Variants in SPRY4 observed in about 807,000 individuals in gnomAD.
SPRY4 encodes sprouty RTK signaling antagonist 4, also known as protein sprouty homolog 4.
Under a neutral mutation model 17.0 loss-of-function variants are expected in SPRY4, and 7 were observed. That is an observed-to-expected ratio of 0.41 (90% confidence interval 0.23 to 0.77). SPRY4 has a LOEUF of 0.77. Among genes scored for constraint, SPRY4 ranks in the 30% least tolerant of loss-of-function variants. SPRY4 has a pLI of 0.32. For synonymous variants in SPRY4, 183 were observed against 174.1 expected (o/e 1.05, Z -0.40); for missense variants, 435 against 419.9 (o/e 1.04, Z -0.31).
chr5:142,322,488 A>ATATG (rs1554100335), intron 1 of SPRY4, among the ~76,000 whole-genome samples: 6 of 112,762 alleles, frequency 5.3e-5, no homozygotes, highest in East Asian at 3.2e-4. Context: ...AAAAAAATAT[A>ATATG]TATATATATA....
At position 142,314,924 on chromosome 5, in the gene SPRY4, G is replaced by A; in HGVS notation, c.185C>T (p.Thr62Ile). The change falls in exon 2 of 2, where the codon ACC becomes ATC. Residue 62 changes from threonine (T) to isoleucine (I), a missense_variant. Thr to Ile is a moderately conservative substitution (Grantham distance 89). Transcript: ENST00000434127. The surrounding 1 kb of genome is among the most constrained non-coding windows in gnomAD (Gnocchi z 4.8). ...CCCGCCCCGGGTCCGCTTTGGGCCG[G>A]TGGTCAGGGCCAGGCTAGGGTTGTC... ...YIDNPSLALT[T>I]GPKRTRGGAP... 6.2e-7 allele frequency: 1 copy of A among 1,612,568 alleles called. No homozygotes were observed. The highest frequency in any genetic ancestry group is 1.1e-5 in the South Asian group (1 of 91,066).
chr5:142,317,435 A>G, intron 1 of SPRY4: 1 of 985,368 alleles, frequency 1.0e-6, no homozygotes, highest in Non-Finnish European at 1.2e-6. Flanking sequence ...CCGGACAATG[A>G]TAACATGAGT....
chr5:142,322,642 C>A (rs1189466120), intron 1 of SPRY4, among the ~76,000 whole-genome samples: 1 of 151,940 alleles, frequency 6.6e-6, no homozygotes, highest in African/African-American at 2.4e-5. Context: ...TGGAAAAGGT[C>A]ATGGAGCTGG....
chr5:142,312,368 A>G lies in SPRY4; in HGVS notation c.*1841T>C, dbSNP rs1758953384. 1 of 152,652 alleles carries G rather than the reference A, an allele frequency of 6.6e-6. No homozygotes were observed. Among genetic ancestry groups the G allele is most frequent in the Non-Finnish European group, 1.5e-5 (1 of 68,038 alleles). 9.5% of individuals were successfully genotyped at this position (152,652 alleles called of 1,614,324 possible). A position where few individuals can be genotyped will look rare whatever the true frequency, so the allele number is the denominator to read the frequency against. On this transcript the variant is annotated 3_prime_UTR_variant, in exon 2 of 2. Coordinates refer to ENST00000434127, the MANE Select transcript of SPRY4 (RefSeq NM_001127496.3). ...TTACAAGCTAGCAAATGTTACATAA[A>G]TAAAGCCGAAAATAATATGACCCTC...
chr5:142,314,888 A>C lies in SPRY4; in HGVS notation c.221T>G (p.Leu74Arg), dbSNP rs1759089006. The change falls in exon 2 of 2, where the codon CTG (leucine) becomes CGG (arginine). Residue 74 changes from leucine (L) to arginine (R), a missense_variant. Coordinates refer to ENST00000434127, the MANE Select transcript of SPRY4 (RefSeq NM_001127496.3). This position sits in a 1 kb window ranked among gnomAD's most constrained non-coding sequence, Gnocchi z 4.8. ...PKRTRGGAPE[L>R]APTPARCDQD... ...GTCACAGCGGGCGGGCGTCGGGGCC[A>C]GCTCTGGGGCCCCGCCCCGGGTCCG... 2 of 1,602,894 alleles carry C rather than the reference A, an allele frequency of 1.2e-6. No individual in the cohort carries two copies. The highest frequency in any genetic ancestry group is 1.7e-6 in the Non-Finnish European group (2 of 1,172,540).
intron 1 of SPRY4, chr5:142,317,487 G>C (rs1466495252): frequency 1.0e-6 from 1 of 985,280 alleles, no homozygotes; most frequent in Non-Finnish European, 1.2e-6. Flanking sequence ...TCAGGGTCCT[G>C]CCAACACAAT....
At position 142,314,692 on chromosome 5, in the gene SPRY4, C is replaced by T. The variant is rs1325958095; in HGVS notation, c.417G>A (p.Gln139=). 20 of 1,614,160 alleles carry T rather than the reference C, an allele frequency of 1.2e-5. No homozygotes were observed. Among genetic ancestry groups the T allele is most frequent in the Non-Finnish European group, 1.7e-5 (20 of 1,179,996 alleles). ...CCGCCGGGCCCTTGAGGTCCAGCGG[C>T]TGGCAGTGGACCACCTTGGGCTGGA... ...VRIQPKVVHC[Q]PLDLKGPAVP... Residue 139 remains glutamine (Q), a synonymous_variant, in exon 2 of 2, where the codon CAG becomes CAA. Coordinates refer to ENST00000434127, the MANE Select transcript of SPRY4 (RefSeq NM_001127496.3). The surrounding 1 kb of genome is among the most constrained non-coding windows in gnomAD (Gnocchi z 4.8).
In SPRY4 at chr5:142,311,564, T is replaced by G. The variant is rs1209111573; in HGVS notation, c.*2645A>C. On this transcript the variant is annotated 3_prime_UTR_variant, in exon 2 of 2. Transcript: ENST00000434127. ...ACAGGCAAGCCAGTTTATCCTTCTGTTTGTTGTTGTTGTTGTTGTTGTTGT... is the reference window on the plus strand; with the variant it reads ...ACAGGCAAGCCAGTTTATCCTTCTGGTTGTTGTTGTTGTTGTTGTTGTTGT... The G allele has an allele frequency of 2.0e-5, 3 of 150,664 alleles. No individual in the cohort carries two copies. The highest frequency in any genetic ancestry group is 4.4e-5 in the Non-Finnish European group (3 of 67,778). 9.3% of individuals were successfully genotyped at this position (150,664 alleles called of 1,614,324 possible). A position where few individuals can be genotyped will look rare whatever the true frequency, so the allele number is the denominator to read the frequency against.
In SPRY4 at chr5:142,313,485, C is replaced by A. The variant is rs1048578055; in HGVS notation, c.*724G>T. On this transcript the variant is annotated 3_prime_UTR_variant, in exon 2 of 2. Transcript: ENST00000434127. ...GAAGGACGGTGTGGTGAGCAGAACA[C>A]CCCCGAGAGTTAGTTGATGCAGTTG... is the stretch of plus-strand genomic sequence containing the variant. 6.6e-6 allele frequency: 1 copy of A among 152,400 alleles called. No homozygotes were observed. The highest frequency in any genetic ancestry group is 1.9e-4 in the East Asian group (1 of 5,178). 9.4% of individuals were successfully genotyped at this position (152,400 alleles called of 1,614,324 possible).
intron 1 of SPRY4, among the ~76,000 whole-genome samples, chr5:142,319,214 A>C (rs1759262620): frequency 6.6e-6 from 1 of 152,240 alleles, no homozygotes; most frequent in Non-Finnish European, 1.5e-5. Flanking sequence ...ACATCATTAG[A>C]ACATCCTGGG....
At chr5:142,322,158 C>T (rs187321335) in intron 1 of SPRY4, among the ~76,000 whole-genome samples, 25 of 152,294 alleles carry the variant, frequency 1.6e-4, no homozygotes, top group Non-Finnish European at 2.5e-4. Flanking sequence ...CACATCTCTC[C>T]GCCAATTCTG....
intron 1 of SPRY4, chr5:142,317,103 C>G: frequency 1.0e-6 from 1 of 985,472 alleles, no homozygotes; most frequent in Non-Finnish European, 1.2e-6. Context: ...TAGCCACTTG[C>G]CAAAGCAGCC....
At position 142,314,028 on chromosome 5, in the gene SPRY4, C is replaced by T. The variant is rs10040443; in HGVS notation, c.*181G>A. ...AAAGCCCCAAAGTGCTTCTTCATCACCTTGGGGAATACAGGGTACGTGGTG... is the reference window on the plus strand; with the variant it reads ...AAAGCCCCAAAGTGCTTCTTCATCATCTTGGGGAATACAGGGTACGTGGTG... On this transcript the variant is annotated 3_prime_UTR_variant, in exon 2 of 2. Transcript: ENST00000434127. The surrounding 1 kb of genome is among the most constrained non-coding windows in gnomAD (Gnocchi z 4.8). The T allele has an allele frequency of 0.76, 493,071 of 651,562 alleles. 189,501 individuals are homozygous for T. The highest frequency in any genetic ancestry group is 0.91 in the East Asian group (32,987 of 36,296). 40.4% of individuals were successfully genotyped at this position (651,562 alleles called of 1,614,324 possible).
intron 1 of SPRY4, among the ~76,000 whole-genome samples, chr5:142,322,481 A>ATATATATATAT (rs1554100318): frequency 1.7e-5 from 2 of 115,856 alleles, no homozygotes; most frequent in African/African-American, 5.4e-5. Context: ...AGAAAAAAAA[A>ATATATATATAT]AAATATATAT....
Position 142,314,524 on chromosome 5 carries a change from G to C in SPRY4, c.585C>G (p.Asn195Lys). 6.2e-7 allele frequency: 1 copy of C among 1,614,252 alleles called. No homozygotes were observed. Among genetic ancestry groups the C allele is most frequent in the Non-Finnish European group, 8.5e-7 (1 of 1,180,038 alleles). ...GCACCAAACACATGCACGTGCCATAGTTGACCAGAGTCTGGGCTGAGCACA... is the reference window on the plus strand; with the variant it reads ...GCACCAAACACATGCACGTGCCATACTTGACCAGAGTCTGGGCTGAGCACA... ...ECLCSAQTLV[N>K]YGTCMCLVQG... The change falls in exon 2 of 2, where the codon AAC (asparagine) becomes AAG (lysine). Residue 195 changes from asparagine (N) to lysine (K), a missense_variant. Coordinates refer to ENST00000434127, the MANE Select transcript of SPRY4 (RefSeq NM_001127496.3). The surrounding 1 kb of genome is among the most constrained non-coding windows in gnomAD (Gnocchi z 4.8).
At chr5:142,322,486 A>ATGTATG (rs1759378757) in intron 1 of SPRY4, among the ~76,000 whole-genome samples, 1 of 132,838 alleles carries the variant, frequency 7.5e-6, no homozygotes, top group Admixed American at 7.3e-5. Context: ...AAAAAAAAAT[A>ATGTATG]TATATATATA....
intron 1 of SPRY4, among the ~76,000 whole-genome samples, chr5:142,321,925 C>A (rs775876904): frequency 1.3e-5 from 2 of 152,214 alleles, no homozygotes; most frequent in Admixed American, 6.5e-5. Context: ...CACATATGGT[C>A]CCAAAGTATT....
intron 1 of SPRY4, among the ~76,000 whole-genome samples, chr5:142,320,114 G>T (rs1258342975): frequency 6.6e-6 from 1 of 152,142 alleles, no homozygotes. Context: ...TTGGTTCTTT[G>T]TGACACTATT....
intron 1 of SPRY4, chr5:142,317,154 G>C (rs766240988): frequency 1.1e-5 from 11 of 985,478 alleles, no homozygotes; most frequent in Non-Finnish European, 1.3e-5. Flanking sequence ...GAGAGGGAAT[G>C]CAAGTAAGCA....
Sources: gnomAD v4.1 joint callset for allele counts (sites outside exome capture counted in the v4.1 genomes callset) on GRCh38, gnomAD v4.1.1 for gene constraint, Gnocchi (gnomAD v3.1) non-coding constraint, MANE v1.5 for transcripts, NCBI Gene and HGNC (gene_info 2026-07-23, HGNC 2026-07-21) for gene names.